The following AK9 variants were observed in gnomAD, a reference collection of about 807,000 sequenced individuals.
The protein encoded by AK9 is adenylate kinase domain containing 1.
AK9 carries 191 observed loss-of-function variants against 239.6 expected under a neutral mutation model. That is an observed-to-expected ratio of 0.80 (90% CI 0.71 to 0.90). The LOEUF (loss-of-function observed/expected upper bound fraction) is 0.90. Among genes scored for constraint, AK9 ranks in the 40% least tolerant of loss-of-function variants. AK9 has a pLI of 0.00. For missense variants in AK9, 1,995 were observed against 2,214.7 expected, an observed-to-expected ratio of 0.90 and a Z score of 1.99; for synonymous variants, 689 against 721.0, an observed-to-expected ratio of 0.96 and a Z score of 0.71.
Position 109,516,661 on chromosome 6 carries a change from C to T in AK9, c.3634-19G>A, listed in dbSNP as rs2128117013. ...CAACATTCTAAGGAAGAAAATATTC[C>T]CTTTTACTATACATATAAAATATGT... On this transcript the variant is annotated intron_variant, in intron 29 of 40. Transcript: ENST00000424296. 1 of 1,522,698 alleles carries T rather than the reference C, an allele frequency of 6.6e-7. No individual in the cohort carries two copies. Among genetic ancestry groups the T allele is most frequent in the Non-Finnish European group, 8.9e-7 (1 of 1,124,954 alleles). 94.3% of individuals were successfully genotyped at this position (1,522,698 alleles called of 1,614,324 possible). A position where few individuals can be genotyped will look rare whatever the true frequency, so the allele number is the denominator to read the frequency against.
intron 13 of AK9, among the ~76,000 whole-genome samples, chr6:109,616,457 A>AG (rs1247374446): frequency 6.6e-6 from 1 of 151,336 alleles, no homozygotes; most frequent in African/African-American, 2.4e-5. Context: ...AGCTTACTGC[A>AG]GCCTCAACCT....
chr6:109,518,715 ATTATT>A (rs1369104524), intron 29 of AK9, among the ~76,000 whole-genome samples: 3 of 151,930 alleles, frequency 2.0e-5, no homozygotes, highest in Non-Finnish European at 4.4e-5. Context: ...CATAAATGGG[ATTATT>A]TTATTTTCTA....
chr6:109,634,831 A>G (rs61374793), intron 10 of AK9, among the ~76,000 whole-genome samples: 4,376 of 152,268 alleles, frequency 0.029, 97 homozygotes, highest in East Asian at 0.11. Context: ...CTTATCATCC[A>G]TATTTCCCAC....
intron 17 of AK9, among the ~76,000 whole-genome samples, chr6:109,603,726 C>T (rs576920358): frequency 1.3e-5 from 2 of 152,284 alleles, no homozygotes; most frequent in Admixed American, 6.5e-5. Flanking sequence ...CCACCCAGTT[C>T]GAGCTTCCTG....
intron 17 of AK9, among the ~76,000 whole-genome samples, chr6:109,591,024 T>C (rs974130896): frequency 6.6e-6 from 1 of 152,212 alleles, no homozygotes; most frequent in African/African-American, 2.4e-5. Flanking sequence ...TGTAAATGTC[T>C]GTTAGGTCCA....
At chr6:109,625,859 ATT>A (rs1795473972) in intron 12 of AK9, among the ~76,000 whole-genome samples, 1 of 151,308 alleles carries the variant, frequency 6.6e-6, no homozygotes, top group African/African-American at 2.4e-5. Context: ...TCAATCTATA[ATT>A]TTTTGGTTTT....
intron 12 of AK9, among the ~76,000 whole-genome samples, chr6:109,623,286 C>G (rs367965153): frequency 6.6e-6 from 1 of 152,144 alleles, no homozygotes; most frequent in South Asian, 2.1e-4. Flanking sequence ...TTTAGTGTAA[C>G]TAGAACTTAG....
intron 24 of AK9, among the ~76,000 whole-genome samples, chr6:109,555,993 T>C (rs79454665): frequency 0.022 from 3,416 of 152,324 alleles, 130 homozygotes; most frequent in Admixed American, 0.1. Context: ...AATTGGGGCA[T>C]TTAGCCCATT....
At chr6:109,598,408 A>C (rs1027863008) in intron 17 of AK9, among the ~76,000 whole-genome samples, 4 of 152,068 alleles carry the variant, frequency 2.6e-5, no homozygotes, top group Non-Finnish European at 5.9e-5. Flanking sequence ...CGAACTCATC[A>C]TTTTTTATGG....
chr6:109,630,880 G>C (rs999992734), intron 12 of AK9, among the ~76,000 whole-genome samples: 1 of 151,822 alleles, frequency 6.6e-6, no homozygotes, highest in Non-Finnish European at 1.5e-5. Flanking sequence ...AGACCACTGA[G>C]CCCCAAAAGA....
Position 109,675,546 on chromosome 6 carries a change from G to A in AK9, c.117+83C>T, listed in dbSNP as rs562020610. 5.6e-6 allele frequency: 5 copies of A among 887,014 alleles called. No individual in the cohort carries two copies. In the South Asian group the frequency reaches 6.8e-5, roughly 12 times the overall value. The allele number at this position is 887,014 out of a possible 1,614,324, so 54.9% of individuals were successfully genotyped here. ...CACTCAAAAAATGAGCACAATATGT[G>A]GTTTTTATTTTTATATGGTAACTTA... On this transcript the variant is annotated intron_variant, in intron 2 of 40. Transcript: ENST00000424296.
intron 13 of AK9, 149 bp from the exon 14 acceptor site, chr6:109,614,629 C>A: frequency 1.5e-6 from 1 of 649,904 alleles, no homozygotes; most frequent in South Asian, 1.9e-5. Flanking sequence ...TTTGGTAAAT[C>A]ACTTGATCTT....
intron 17 of AK9, among the ~76,000 whole-genome samples, chr6:109,602,287 A>T (rs9487168): frequency 0.58 from 88,500 of 151,912 alleles, 27,457 homozygotes; most frequent in East Asian, 0.84. Flanking sequence ...AAAATCTCTC[A>T]GCATTTGCTT....
At chr6:109,635,990 A>G (rs1319137069) in intron 10 of AK9, among the ~76,000 whole-genome samples, 1 of 152,214 alleles carries the variant, frequency 6.6e-6, no homozygotes, top group Non-Finnish European at 1.5e-5. Context: ...TAATCTTTAC[A>G]ATAATACGAT....
chr6:109,577,693 T>G (rs1252303194), intron 20 of AK9, among the ~76,000 whole-genome samples: 1 of 152,144 alleles, frequency 6.6e-6, no homozygotes, highest in Non-Finnish European at 1.5e-5. Context: ...TTCTATTTCT[T>G]CCTGATTTAA....
chr6:109,647,863 A>G (rs1257399166), intron 8 of AK9, among the ~76,000 whole-genome samples: 1 of 152,220 alleles, frequency 6.6e-6, no homozygotes, highest in East Asian at 1.9e-4. Context: ...AGCAAATGTA[A>G]AAGAACAGAA....
intron 27 of AK9, among the ~76,000 whole-genome samples, chr6:109,535,955 A>T (rs1345028136): frequency 2.6e-5 from 4 of 152,126 alleles, no homozygotes; most frequent in African/African-American, 9.7e-5. Context: ...GTTGTGTTCC[A>T]TTGGTCTATA....
intron 5 of AK9, among the ~76,000 whole-genome samples, chr6:109,666,196 G>T (rs1031764928): frequency 2.6e-5 from 4 of 152,112 alleles, no homozygotes; most frequent in Non-Finnish European, 5.9e-5. Flanking sequence ...TATGGGAGGA[G>T]GTGTGGGATA....
intron 5 of AK9, among the ~76,000 whole-genome samples, chr6:109,662,987 T>C (rs1443997545): frequency 6.6e-6 from 1 of 152,150 alleles, no homozygotes; most frequent in East Asian, 1.9e-4. Context: ...TAGGAAAGTT[T>C]ACTCATATGA....
Sources: allele counts gnomAD v4.1 joint callset (sites outside exome capture counted in the v4.1 genomes callset), GRCh38; gene constraint gnomAD v4.1.1; transcripts MANE v1.5; gene names NCBI Gene and HGNC (gene_info 2026-07-23, HGNC 2026-07-21).